Variants in NCALD observed in about 807,000 individuals in gnomAD.
NCALD encodes neurocalcin-delta.
Under a neutral mutation model 18.6 loss-of-function variants are expected in NCALD, and 10 were observed. That is an observed-to-expected ratio of 0.54 (90% confidence interval 0.33 to 0.91). NCALD has a LOEUF of 0.91. Among genes scored for constraint, NCALD ranks in the 40% least tolerant of loss-of-function variants. NCALD has a pLI of 0.03. For missense variants in NCALD, 184 were observed against 247.6 expected (o/e 0.74, Z 1.72); for synonymous variants, 88 against 87.4 (o/e 1.01, Z -0.04).
At chr8:102,026,034 G>C (rs1822442817) in intron 1 of NCALD, among the ~76,000 whole-genome samples, 1 of 152,218 alleles carries the variant, frequency 6.6e-6, no homozygotes, top group East Asian at 1.9e-4. Context: ...ATCAGATATT[G>C]TAAGAACTCA....
intron 1 of NCALD, among the ~76,000 whole-genome samples, chr8:102,107,013 ATAAG>A (rs1179283442): frequency 6.6e-6 from 1 of 151,832 alleles, no homozygotes; most frequent in Non-Finnish European, 1.5e-5. Flanking sequence ...TGAAAACCAC[ATAAG>A]TAAGTTCACA....
intron 1 of NCALD, among the ~76,000 whole-genome samples, chr8:102,053,585 C>T (rs1043939779): frequency 1.3e-4 from 20 of 152,124 alleles, no homozygotes; most frequent in African/African-American, 4.8e-4. Context: ...AGCTAATACA[C>T]AGTGGAGCCA....
At chr8:101,864,412 G>T (rs1004838466) in intron 4 of NCALD, among the ~76,000 whole-genome samples, 2 of 152,154 alleles carry the variant, frequency 1.3e-5, no homozygotes, top group African/African-American at 2.4e-5. Flanking sequence ...ATTACGGATG[G>T]CTCCATGGAA....
intron 4 of NCALD, among the ~76,000 whole-genome samples, chr8:101,836,728 G>A (rs1390245180): frequency 3.3e-5 from 5 of 152,188 alleles, no homozygotes; most frequent in African/African-American, 1.2e-4. Flanking sequence ...AGAAGTCTGT[G>A]CATTCCTCAG....
chr8:102,084,454 G>C (rs1386087137), intron 1 of NCALD, among the ~76,000 whole-genome samples: 12 of 152,172 alleles, frequency 7.9e-5, no homozygotes, highest in Non-Finnish European at 1.3e-4. Context: ...GAGGACCAAG[G>C]GGGCGACTTG....
chr8:102,062,712 T>TAAAA lies in NCALD; in HGVS notation c.-209-42424_-209-42423insTTTT, dbSNP rs1488555356. ...TGGATTCAGATAGGCTCTACATGTC[T>TAAAA]GTCATCCTCTTTGAACCAACAGCAT... On this transcript the variant is annotated intron_variant, in intron 1 of 6. Coordinates refer to the NCALD transcript ENST00000311028. Among the ~76,000 whole-genome samples, 4 of 152,220 alleles carry TAAAA rather than the reference T, an allele frequency of 2.6e-5. No homozygotes were observed. The East Asian group carries it at 7.7e-4, about 29-fold the overall frequency.
At chr8:102,042,716 C>G (rs5893596) in intron 1 of NCALD, among the ~76,000 whole-genome samples, 1 of 149,958 alleles carries the variant, frequency 6.7e-6, no homozygotes, top group African/African-American at 2.5e-5. Flanking sequence ...TCAGTGAAGA[C>G]AGAGGGCACA....
chr8:101,818,945 AG>A (rs1166808018), intron 4 of NCALD, among the ~76,000 whole-genome samples: 2 of 152,222 alleles, frequency 1.3e-5, no homozygotes, highest in Non-Finnish European at 2.9e-5. Flanking sequence ...CAGAGGTTAC[AG>A]TGAGGAGAGA....
At chr8:102,006,460 C>A (rs1258736996) in intron 2 of NCALD, among the ~76,000 whole-genome samples, 2 of 152,192 alleles carry the variant, frequency 1.3e-5, no homozygotes, top group Non-Finnish European at 2.9e-5. Flanking sequence ...ATTGTCACTT[C>A]ATCTCCTCCC....
intron 1 of NCALD, among the ~76,000 whole-genome samples, chr8:102,041,462 C>A (rs187012220): frequency 8.5e-5 from 13 of 152,358 alleles, no homozygotes; most frequent in African/African-American, 3.1e-4. Flanking sequence ...GCAGGAACTG[C>A]AGGATCTAAG....
intron 1 of NCALD, among the ~76,000 whole-genome samples, chr8:102,067,167 A>G (rs1177678942): frequency 6.6e-6 from 1 of 152,186 alleles, no homozygotes; most frequent in African/African-American, 2.4e-5. Context: ...CATGGAGAGA[A>G]ATGGGTCCAC....
intron 4 of NCALD, among the ~76,000 whole-genome samples, chr8:101,853,773 C>T (rs1029399115): frequency 2.6e-5 from 4 of 152,116 alleles, no homozygotes; most frequent in Admixed American, 6.5e-5. Flanking sequence ...AACTCAATAG[C>T]CTCCTCTATT....
intron 2 of NCALD, among the ~76,000 whole-genome samples, chr8:101,947,901 A>G (rs1819239487): frequency 6.6e-6 from 1 of 152,232 alleles, no homozygotes; most frequent in Non-Finnish European, 1.5e-5. Flanking sequence ...CTGAGGCAAG[A>G]GAGAGGTGCA....
In NCALD at chr8:101,688,810, C is replaced by A. The variant is rs576082055; in HGVS notation, c.*499G>T. On this transcript the variant is annotated 3_prime_UTR_variant, in exon 4 of 4. Coordinates refer to ENST00000220931, the MANE Select transcript of NCALD (RefSeq NM_032041.3). ...AGTGGGCCCCCATGGGGAAATGTCC[C>A]AGCTCGCTGGAATAGCCTCACCCCA... The A allele has an allele frequency of 3.2e-6, 2 of 622,726 alleles. No homozygotes were observed. Among genetic ancestry groups the A allele is most frequent in the Non-Finnish European group, 5.9e-6 (2 of 337,724 alleles). 38.6% of individuals were successfully genotyped at this position (622,726 alleles called of 1,614,324 possible).
intron 2 of NCALD, among the ~76,000 whole-genome samples, chr8:101,697,577 C>T (rs1297538896): frequency 5.3e-5 from 8 of 152,108 alleles, no homozygotes; most frequent in African/African-American, 1.9e-4. Flanking sequence ...TCCAGCAGCA[C>T]ATCAAAAAGC....
At chr8:102,072,661 G>A (rs930739364) in intron 1 of NCALD, among the ~76,000 whole-genome samples, 1 of 152,128 alleles carries the variant, frequency 6.6e-6, no homozygotes, top group African/African-American at 2.4e-5. Context: ...TTTGGGAAAT[G>A]TAGTGCCTTA....
chr8:101,844,734 A>G (rs1206549766), intron 4 of NCALD, among the ~76,000 whole-genome samples: 1 of 152,172 alleles, frequency 6.6e-6, no homozygotes, highest in Admixed American at 6.5e-5. Flanking sequence ...GAGAGGAAAA[A>G]GTGAAGCAAA....
chr8:102,016,117 A>G (rs1019289868), intron 2 of NCALD, among the ~76,000 whole-genome samples: 1 of 152,178 alleles, frequency 6.6e-6, no homozygotes, highest in Non-Finnish European at 1.5e-5. Flanking sequence ...ATTCTTGGAA[A>G]GGGGTACAAG....
At chr8:101,724,639 C>G (rs543315841) in intron 1 of NCALD, among the ~76,000 whole-genome samples, 1 of 152,222 alleles carries the variant, frequency 6.6e-6, no homozygotes, top group Non-Finnish European at 1.5e-5. Flanking sequence ...AAAATGATGC[C>G]TTATCCTAGA....
Sources: allele counts gnomAD v4.1 joint callset (sites outside exome capture counted in the v4.1 genomes callset), GRCh38; gene constraint gnomAD v4.1.1; transcripts MANE v1.5; gene names NCBI Gene and HGNC (gene_info 2026-07-23, HGNC 2026-07-21).